RNASE10: variants seen among roughly 807,000 people sequenced by gnomAD.
RNASE10 encodes inactive ribonuclease-like protein 10.
RNASE10 carries 2 observed loss-of-function variants against 1.1 expected under a neutral mutation model. The ratio of observed to expected loss-of-function variants is 1.82; its 90% CI spans 0.74 to 5.73. RNASE10 has a LOEUF of 5.73. Among genes scored for constraint, RNASE10 ranks in the 30% most tolerant of loss-of-function variants. The pLI is 0.05. For synonymous variants in RNASE10, 97 were observed against 96.2 expected (o/e 1.01, Z -0.05); for missense variants, 276 against 263.4 (o/e 1.05, Z -0.33).
chr14:20,506,713 TG>T (rs1882735830), intron 1 of RNASE10, among the ~76,000 whole-genome samples: 55 of 37,012 alleles, frequency 1.5e-3, no homozygotes, highest in Admixed American at 4.6e-3. Context: ...GGGAGGGAGG[TG>T]GGGGGGTCAG....
At chr14:20,504,606 T>G (rs535711188), upstream of RNASE10, among the ~76,000 whole-genome samples, 41 of 137,670 alleles carry the variant, frequency 3.0e-4, no homozygotes, top group South Asian at 9.2e-3. Flanking sequence ...GAGAATGGCG[T>G]GAACCTGGGA....
rs1882812570 is a variant in RNASE10 at position 20,508,651 on chromosome 14, G to T, written c.80-1816G>T. Among the ~76,000 whole-genome samples, 3 of 152,134 alleles carry T rather than the reference G, an allele frequency of 2.0e-5. No individual in the cohort carries two copies. The South Asian group carries it at 6.2e-4, about 31-fold the overall frequency. The stretch of plus-strand genomic sequence containing the variant: ...TCCGTTTGAGTGAAAAGGTGAAAGT[G>T]TCTCAACTTAATAAGGAAAGGGGGG... On this transcript the variant is annotated intron_variant, in intron 1 of 1. Transcript: ENST00000430083.
downstream of RNASE10, among the ~76,000 whole-genome samples, chr14:20,513,145 G>A (rs147470664): frequency 3.8e-3 from 581 of 152,142 alleles, 6 homozygotes; most frequent in African/African-American, 0.013. Context: ...CTGTTTGATG[G>A]GCATACTCAT....
chr14:20,506,595 C>G (rs1186604437), intron 1 of RNASE10, among the ~76,000 whole-genome samples: 1 of 105,658 alleles, frequency 9.5e-6, no homozygotes, highest in Non-Finnish European at 1.9e-5. Context: ...GCCCGGCCAG[C>G]CGCCCAGTCC....
Position 20,510,694 on chromosome 14 carries a change from G to A in RNASE10, c.307G>A (p.Val103Met). ...AACGCTGGTGCTTAGCAACAAAGAA[G>A]TGGTGCAACCTGGCTGGCCAGAAGA... Residue 103 changes from valine (V) to methionine (M), a missense_variant, in exon 2 of 2, where the codon GTG (valine) becomes ATG (methionine). Val to Met is a conservative substitution (Grantham distance 21, BLOSUM62 1). Coordinates refer to ENST00000430083, the Ensembl canonical transcript of RNASE10. The A allele has an allele frequency of 6.2e-7, 1 of 1,614,238 alleles. No homozygotes were observed. Among genetic ancestry groups the A allele is most frequent in the Non-Finnish European group, 8.5e-7 (1 of 1,180,038 alleles).
At chr14:20,505,267 TC>T (rs1882665445), upstream of RNASE10, among the ~76,000 whole-genome samples, 1 of 8,968 alleles carries the variant, frequency 1.1e-4, no homozygotes, top group Admixed American at 8.6e-4. Context: ...GTTTGCTCCC[TC>T]TCCCTCTCCC....
intron 1 of RNASE10, among the ~76,000 whole-genome samples, chr14:20,507,089 G>A (rs1285070587): frequency 2.0e-5 from 3 of 150,060 alleles, no homozygotes; most frequent in Non-Finnish European, 4.4e-5. Context: ...CCCTCTGCCC[G>A]GCCAGGACCC....
At chr14:20,505,281 TCCC>T (rs1228601705), upstream of RNASE10, among the ~76,000 whole-genome samples, 3 of 23,100 alleles carry the variant, frequency 1.3e-4, no homozygotes, top group African/African-American at 5.3e-4. Context: ...CCTCTCCCTC[TCCC>T]TCTCCCTCTC....
At chr14:20,509,313 G>T (rs1221539709) in intron 1 of RNASE10, among the ~76,000 whole-genome samples, 1 of 152,244 alleles carries the variant, frequency 6.6e-6, no homozygotes, top group Non-Finnish European at 1.5e-5. Context: ...CTCCCAAAGT[G>T]CTGGGATTAT....
chr14:20,506,700 T>G (rs1369469548), intron 1 of RNASE10, among the ~76,000 whole-genome samples: 2 of 109,710 alleles, frequency 1.8e-5, no homozygotes, highest in South Asian at 7.5e-4. Context: ...AGCCGCCCCG[T>G]CCGGGAGGGA....
At chr14:20,504,272 C>G (rs553906785), upstream of RNASE10, among the ~76,000 whole-genome samples, 1 of 152,086 alleles carries the variant, frequency 6.6e-6, no homozygotes, top group African/African-American at 2.4e-5. Context: ...GCACTGCTCA[C>G]GAAGAAGGAA....
rs147487257 is a variant in RNASE10 at position 20,510,378 on chromosome 14, A to G, written c.80-89A>G. 4.8e-5 allele frequency: 73 copies of G among 1,515,794 alleles called. No homozygotes were observed. In the East Asian group the frequency reaches 1.5e-3, roughly 31 times the overall value. The allele number at this position is 1,515,794 out of a possible 1,614,324, so 93.9% of individuals were successfully genotyped here. A position where few individuals can be genotyped will look rare whatever the true frequency, so the allele number is the denominator to read the frequency against. On this transcript the variant is annotated intron_variant, in intron 1 of 1. Transcript: ENST00000430083. ...GAAGACACAGGAGACCCCAGATACA[A>G]TGCTGTAGGGCTTAGTGAGATTACA...
In RNASE10 at chr14:20,507,725, C is replaced by CTTATTTAT. The variant is rs71112513; in HGVS notation, c.79+1738_79+1745dup. Among the ~76,000 whole-genome samples the CTTATTTAT allele has an allele frequency of 8.7e-3, 1,277 of 146,218 alleles. 9 individuals carry two copies. Among genetic ancestry groups the CTTATTTAT allele is most frequent in the East Asian group, 0.02 (98 of 4,932 alleles). On this transcript the variant is annotated intron_variant, in intron 1 of 1. Coordinates refer to ENST00000430083, the Ensembl canonical transcript of RNASE10. ...AGGTACATTATTTTTTTAAACTTCC[C>CTTATTTAT]TTATTTATTTATTTATTTATTTATT...
At chr14:20,510,665 C>T in exon 2 of RNASE10, 1 of 1,614,224 alleles carries the variant, frequency 6.2e-7, no homozygotes, top group Non-Finnish European at 8.5e-7. Context: ...ACCCAAACCA[C>T]AGAAACGCTG....
chr14:20,508,226 G>T (rs866627080), intron 1 of RNASE10, among the ~76,000 whole-genome samples: 3 of 152,082 alleles, frequency 2.0e-5, no homozygotes, highest in African/African-American at 7.2e-5. Context: ...AACAATCAGG[G>T]TACAGTTTTA....
upstream of RNASE10, among the ~76,000 whole-genome samples, chr14:20,504,929 A>G (rs905727579): frequency 2.6e-5 from 4 of 152,032 alleles, no homozygotes; most frequent in African/African-American, 9.7e-5. Flanking sequence ...CGCCACACGT[A>G]CACACCACTG....
downstream of RNASE10, among the ~76,000 whole-genome samples, chr14:20,513,782 T>C (rs144014155): frequency 1.3e-4 from 20 of 152,352 alleles, no homozygotes; most frequent in East Asian, 3.3e-3. Flanking sequence ...CTGAAAATGT[T>C]GGCCAAAATG....
At chr14:20,506,629 C>T (rs1345609080) in intron 1 of RNASE10, among the ~76,000 whole-genome samples, 3 of 102,822 alleles carry the variant, frequency 2.9e-5, no homozygotes, top group African/African-American at 9.2e-5. Flanking sequence ...GGGGATCAGC[C>T]CCCCGCCTGG....
At chr14:20,512,685 C>T (rs138469417), downstream of RNASE10, among the ~76,000 whole-genome samples, 16 of 152,284 alleles carry the variant, frequency 1.1e-4, no homozygotes, top group African/African-American at 3.4e-4. Context: ...CCAGCAATAA[C>T]CTCTTAGGAA....
Sources: gnomAD v4.1 joint callset for allele counts (sites outside exome capture counted in the v4.1 genomes callset) on GRCh38, gnomAD v4.1.1 for gene constraint, MANE v1.5 for transcripts, NCBI Gene and HGNC (gene_info 2026-07-23, HGNC 2026-07-21) for gene names.